WDFY3: variants seen among roughly 807,000 people sequenced by gnomAD.
WDFY3 encodes WD repeat and FYVE domain-containing protein 3.
Under a neutral mutation model 409.6 loss-of-function variants are expected in WDFY3, and 66 were observed. That is an observed-to-expected ratio of 0.16 (90% confidence interval 0.13 to 0.20). WDFY3 has a LOEUF of 0.20. Among genes scored for constraint, WDFY3 ranks in the 10% least tolerant of loss-of-function variants. The probability of loss-of-function intolerance (pLI) is 1.00; values close to 1 mark genes in which losing one functional copy is unlikely to be tolerated. For synonymous variants in WDFY3, 1,521 were observed against 1,537.1 expected (o/e 0.99, Z 0.25); for missense variants, 3,031 against 4,298.1 (o/e 0.71, Z 8.24).
intron 8 of WDFY3, among the ~76,000 whole-genome samples, chr4:84,831,185 C>CAAA (rs56810528): frequency 4.1e-4 from 42 of 103,264 alleles, no homozygotes; most frequent in South Asian, 6.0e-4. Flanking sequence ...AGACTCCATC[C>CAAA]AAAAAAAAAA....
At chr4:84,854,907 G>A (rs1174324312) in intron 4 of WDFY3, among the ~76,000 whole-genome samples, 1 of 152,070 alleles carries the variant, frequency 6.6e-6, no homozygotes, top group African/African-American at 2.4e-5. Flanking sequence ...GCCAGACTTG[G>A]TCTCAAACAA....
At chr4:84,806,670 G>A (rs1023403915) in intron 15 of WDFY3, among the ~76,000 whole-genome samples, 3 of 152,128 alleles carry the variant, frequency 2.0e-5, no homozygotes, top group Non-Finnish European at 4.4e-5. Context: ...GCAGTGCGGT[G>A]ATCTCGGCTC....
At chr4:84,687,783 C>T (rs1232667963) in intron 62 of WDFY3, 2 of 228,744 alleles carry the variant, frequency 8.7e-6, no homozygotes, top group African/African-American at 2.3e-5. Context: ...CAGGCACAGC[C>T]CACCACTGAT....
intron 34 of WDFY3, 111 bp from the exon 35 acceptor site, chr4:84,753,987 C>T: frequency 8.3e-7 from 1 of 1,201,334 alleles, no homozygotes; most frequent in Non-Finnish European, 1.1e-6. Flanking sequence ...TATTGATGGT[C>T]CAGAACTCTG....
chr4:84,856,370 G>A (rs1560934970), intron 4 of WDFY3, among the ~76,000 whole-genome samples: 1 of 152,084 alleles, frequency 6.6e-6, no homozygotes, highest in Non-Finnish European at 1.5e-5. Context: ...ATTAACAGTG[G>A]CAGTTATGAA....
chr4:84,939,953 A>C (rs1187712191), intron 1 of WDFY3, among the ~76,000 whole-genome samples: 2 of 152,136 alleles, frequency 1.3e-5, no homozygotes, highest in African/African-American at 4.8e-5. Context: ...ATACACATAC[A>C]AATTTATGTA....
rs181062579 is a variant in WDFY3, at chr4:84,764,688, C to T, written c.5188+1122G>A. ...CATCCTGGCTAACATGGTGAAACCC[C>T]GTCTCTACTAAAAAAAAAAAAATAC... On this transcript the variant is annotated intron_variant, in intron 32 of 67. Transcript: ENST00000295888. Among the ~76,000 whole-genome samples the T allele has an allele frequency of 7.9e-5, 12 of 151,430 alleles. No individual in the cohort carries two copies. In the East Asian group the frequency reaches 1.9e-3, roughly 25 times the overall value.
At chr4:84,849,285 C>G (rs1758541898) in intron 5 of WDFY3, among the ~76,000 whole-genome samples, 1 of 151,882 alleles carries the variant, frequency 6.6e-6, no homozygotes, top group South Asian at 2.1e-4. Flanking sequence ...CTGGGAAGAT[C>G]AAGACACATG....
chr4:84,845,871 C>T (rs923071236), intron 5 of WDFY3, among the ~76,000 whole-genome samples: 5 of 151,524 alleles, frequency 3.3e-5, no homozygotes, highest in African/African-American at 9.7e-5. Context: ...GGAAGGGTGG[C>T]CCTTCTAACT....
chr4:84,772,963 CT>C, intron 29 of WDFY3, 34 bp from the exon 30 acceptor site: 1 of 1,507,552 alleles, frequency 6.6e-7, no homozygotes, highest in Non-Finnish European at 9.0e-7. Flanking sequence ...TATGGATTTT[CT>C]TTTTCCTCTT....
intron 38 of WDFY3, among the ~76,000 whole-genome samples, chr4:84,740,980 A>C (rs1478808155): frequency 6.6e-6 from 1 of 152,246 alleles, no homozygotes; most frequent in Non-Finnish European, 1.5e-5. Flanking sequence ...GTATTAAATA[A>C]GATTAATCAA....
chr4:84,837,784 C>A (rs1756797635), intron 6 of WDFY3, among the ~76,000 whole-genome samples: 1 of 152,160 alleles, frequency 6.6e-6, no homozygotes, highest in Non-Finnish European at 1.5e-5. Context: ...CACTAGAGAT[C>A]AACAGACTGG....
At chr4:84,744,840 G>A (rs1157825928) in intron 36 of WDFY3, among the ~76,000 whole-genome samples, 1 of 112,776 alleles carries the variant, frequency 8.9e-6, no homozygotes, top group Non-Finnish European at 1.7e-5. Context: ...GCGACAGAGC[G>A]AGACTCCGTC....
chr4:84,913,505 C>T (rs528278828), intron 2 of WDFY3, among the ~76,000 whole-genome samples: 1 of 152,210 alleles, frequency 6.6e-6, no homozygotes, highest in South Asian at 2.1e-4. Context: ...CGCTAGTACA[C>T]ACCACATCAG....
At chr4:84,841,984 G>C (rs1056509878) in intron 5 of WDFY3, among the ~76,000 whole-genome samples, 1 of 152,158 alleles carries the variant, frequency 6.6e-6, no homozygotes, top group African/African-American at 2.4e-5. Flanking sequence ...AGAGTAGGAA[G>C]AGAGAAACGT....
intron 36 of WDFY3, among the ~76,000 whole-genome samples, chr4:84,747,930 A>C (rs71597383): frequency 1.3e-4 from 20 of 151,530 alleles, no homozygotes; most frequent in African/African-American, 4.8e-4. Context: ...ATTTTTATAA[A>C]TTTTCCTTTA....
chr4:84,852,745 C>A (rs1345767594), intron 4 of WDFY3, among the ~76,000 whole-genome samples: 1 of 151,886 alleles, frequency 6.6e-6, no homozygotes, highest in Non-Finnish European at 1.5e-5. Context: ...ATCTATGTTA[C>A]CTGTTAAATA....
At chr4:84,764,920 G>C (rs1578418027) in intron 32 of WDFY3, among the ~76,000 whole-genome samples, 1 of 150,938 alleles carries the variant, frequency 6.6e-6, no homozygotes, top group Non-Finnish European at 1.5e-5. Context: ...GTTTAAAGAA[G>C]TAGTACAGGC....
chr4:84,785,650 A>G (rs1747419986), intron 24 of WDFY3, among the ~76,000 whole-genome samples: 1 of 152,234 alleles, frequency 6.6e-6, no homozygotes, highest in African/African-American at 2.4e-5. Flanking sequence ...CACCTGGCAC[A>G]TAATAGGTCA....
Sources: gnomAD v4.1 joint callset for allele counts (sites outside exome capture counted in the v4.1 genomes callset) on GRCh38, gnomAD v4.1.1 for gene constraint, MANE v1.5 for transcripts, NCBI Gene and HGNC (gene_info 2026-07-23, HGNC 2026-07-21) for gene names.